The following HELZ variants were observed in gnomAD, a reference collection of about 807,000 sequenced individuals.
HELZ encodes the protein ATP-dependent RNA helicase with zinc finger domain.
A neutral mutation model predicts 218.2 loss-of-function variants in HELZ; 23 were observed. The observed-to-expected ratio is 0.11, with a 90% CI of 0.08 to 0.15. HELZ has a LOEUF of 0.15. Ranked by LOEUF, HELZ falls within the 10% of genes least tolerant of loss-of-function variation. The probability of loss-of-function intolerance (pLI) is 1.00; values close to 1 mark genes in which losing one functional copy is unlikely to be tolerated. For synonymous variants in HELZ, 814 were observed against 829.4 expected, an observed-to-expected ratio of 0.98 and a Z score of 0.32; for missense variants, 1,813 against 2,353.7, an observed-to-expected ratio of 0.77 and a Z score of 4.75.
intron 31 of HELZ, among the ~76,000 whole-genome samples, chr17:67,088,231 CCTCTTTTCTTTTTT>C (rs1654487276): frequency 6.6e-6 from 1 of 152,124 alleles, no homozygotes; most frequent in Non-Finnish European, 1.5e-5. Context: ...CTTTCTTTTT[CCTCTTTTCTTTTTT>C]GGATAGCAAA....
At chr17:67,094,699 A>G (rs1339179803) in intron 31 of HELZ, among the ~76,000 whole-genome samples, 1 of 152,156 alleles carries the variant, frequency 6.6e-6, no homozygotes, top group Non-Finnish European at 1.5e-5. Flanking sequence ...CTGAAGAGGG[A>G]GGATCATTTG....
rs2041447303 is a variant in HELZ, at chr17:67,245,130, G to A, written c.-132+18C>T. On this transcript the variant is annotated intron_variant, in intron 1 of 32. Coordinates refer to ENST00000358691, the MANE Select transcript of HELZ (RefSeq NM_014877.4). Reference sequence around the variant, plus strand: ...CGGAGCGGCCCCAGGAGCAGAGAAGGGGGAAGTCAGGACTTACCTGTCATT... The same window carrying A: ...CGGAGCGGCCCCAGGAGCAGAGAAGAGGGAAGTCAGGACTTACCTGTCATT... 2.0e-6 allele frequency: 2 copies of A among 985,074 alleles called. No homozygotes were observed. Among genetic ancestry groups the A allele is most frequent in the Non-Finnish European group, 2.4e-6 (2 of 829,824 alleles). 61.0% of individuals were successfully genotyped at this position (985,074 alleles called of 1,614,324 possible).
intron 13 of HELZ, among the ~76,000 whole-genome samples, chr17:67,171,832 GTTTT>G (rs1450877457): frequency 1.4e-5 from 2 of 146,112 alleles, no homozygotes; most frequent in Non-Finnish European, 3.0e-5. Flanking sequence ...CTTTTGTTTT[GTTTT>G]GTTTTTTTTT....
intron 23 of HELZ, among the ~76,000 whole-genome samples, chr17:67,129,330 G>A (rs185030358): frequency 2.1e-4 from 31 of 150,932 alleles, no homozygotes; most frequent in Admixed American, 5.3e-4. Context: ...ACATATACAC[G>A]CATGTATATG....
At position 67,218,628 on chromosome 17, in the gene HELZ, A is replaced by T; in HGVS notation, c.177T>A (p.Ser59Arg). ...PLEIERIKIE[S>R]LLYRIASFLQ... ...AAAATGAGGCAATTCTGTAGAGAAG[A>T]CTCTCGATTTTGATGCGTTCTATTT... Residue 59 changes from serine (S) to arginine (R), a missense_variant, in exon 4 of 33, where the codon AGT becomes AGA. By Grantham distance (110) the Ser-to-Arg change is moderately radical. This residue lies in a region of HELZ where 714 missense variants were observed against 1,029.2 expected (regional missense o/e 0.69). Transcript: ENST00000358691. 1 of 1,613,926 alleles carries T rather than the reference A, an allele frequency of 6.2e-7. No homozygotes were observed. Among genetic ancestry groups the T allele is most frequent in the Non-Finnish European group, 8.5e-7 (1 of 1,179,956 alleles).
intron 12 of HELZ, among the ~76,000 whole-genome samples, chr17:67,183,770 C>T (rs999466288): frequency 6.6e-6 from 1 of 152,086 alleles, no homozygotes; most frequent in African/African-American, 2.4e-5. Flanking sequence ...GATGCCTTTG[C>T]CACATATTTT....
Position 67,188,142 on chromosome 17 carries a change from C to T in HELZ, c.1162+177G>A. ...TTACCTGGTGGCTCTGTGAAGAAAT[C>T]AGGGCACAGTGTGAATCATTATAAG... On this transcript the variant is annotated intron_variant, in intron 12 of 32. Coordinates refer to ENST00000358691, the MANE Select transcript of HELZ (RefSeq NM_014877.4). This position sits in a 1 kb window ranked among gnomAD's most constrained non-coding sequence, Gnocchi z 4.1. 3.5e-6 allele frequency: 2 copies of T among 578,870 alleles called. No homozygotes were observed. The highest frequency in any genetic ancestry group is 5.8e-6 in the Non-Finnish European group (2 of 343,864). 35.9% of individuals were successfully genotyped at this position (578,870 alleles called of 1,614,324 possible).
chr17:67,210,199 T>C (rs1016739276), intron 5 of HELZ, among the ~76,000 whole-genome samples: 5 of 152,218 alleles, frequency 3.3e-5, no homozygotes, highest in Admixed American at 1.3e-4. Context: ...ACTTCCAGTC[T>C]GGGTGACACC....
chr17:67,093,421 A>G (rs1172337328), intron 31 of HELZ, among the ~76,000 whole-genome samples: 1 of 152,252 alleles, frequency 6.6e-6, no homozygotes, highest in Non-Finnish European at 1.5e-5. Context: ...GGAGAAAAAT[A>G]ATGCTAGAAA....
intron 27 of HELZ, among the ~76,000 whole-genome samples, chr17:67,118,437 G>T (rs1049715410): frequency 2.0e-5 from 3 of 151,868 alleles, no homozygotes; most frequent in South Asian, 2.1e-4. Context: ...CATAAAAGAA[G>T]ATCTTGGGTT....
chr17:67,179,332 T>C (rs756381886), intron 12 of HELZ, among the ~76,000 whole-genome samples: 15 of 152,214 alleles, frequency 9.9e-5, no homozygotes, highest in Admixed American at 3.3e-4. Flanking sequence ...CATCCCATTA[T>C]AGAAAGAGAA....
chr17:67,187,342 T>A (rs2039783016), intron 12 of HELZ, among the ~76,000 whole-genome samples: 1 of 151,642 alleles, frequency 6.6e-6, no homozygotes, highest in Non-Finnish European at 1.5e-5. Flanking sequence ...GAAGAAGATG[T>A]CACCTAACTG....
Position 67,243,850 on chromosome 17 carries a change from T to C in HELZ, c.-131-11A>G, listed in dbSNP as rs959769625. 1.0e-4 allele frequency: 28 copies of C among 270,222 alleles called. No individual in the cohort carries two copies. The highest frequency in any genetic ancestry group is 5.5e-4 in the African/African-American group (24 of 43,554). 16.7% of individuals were successfully genotyped at this position (270,222 alleles called of 1,614,324 possible). A position where few individuals can be genotyped will look rare whatever the true frequency, so the allele number is the denominator to read the frequency against. On this transcript the variant is annotated splice_polypyrimidine_tract_variant and intron_variant, in intron 1 of 32. Transcript: ENST00000358691. ...TACTTCATCCAAATCCTGAGGCAAATAGAAAAGATGTTTCCATACAACACC... is the reference window on the plus strand; with the variant it reads ...TACTTCATCCAAATCCTGAGGCAAACAGAAAAGATGTTTCCATACAACACC...
chr17:67,106,251 A>G (rs2143728812), intron 31 of HELZ, among the ~76,000 whole-genome samples: 1 of 149,244 alleles, frequency 6.7e-6, no homozygotes, highest in East Asian at 1.9e-4. Context: ...TAAGTTTTTC[A>G]TAGGAAAAAA....
At chr17:67,226,905 T>C (rs1000502633) in intron 3 of HELZ, among the ~76,000 whole-genome samples, 6 of 152,190 alleles carry the variant, frequency 3.9e-5, no homozygotes, top group Non-Finnish European at 7.3e-5. Context: ...TACTGTATGA[T>C]TCCATTTATA....
Position 67,077,607 on chromosome 17 carries a change from A to T in HELZ, c.*645T>A, listed in dbSNP as rs1301935023. On this transcript the variant is annotated 3_prime_UTR_variant, in exon 33 of 33. Coordinates refer to ENST00000358691, the MANE Select transcript of HELZ (RefSeq NM_014877.4). ...CATTTCAAAAAACAGTGGCATACAA[A>T]ATATGCCTGCAAAGAATGCCTTTAA... 6.6e-6 allele frequency: 1 copy of T among 152,446 alleles called. No homozygotes were observed. Among genetic ancestry groups the T allele is most frequent in the Non-Finnish European group, 1.5e-5 (1 of 67,974 alleles). The allele number at this position is 152,446 out of a possible 1,614,324, so 9.4% of individuals were successfully genotyped here. A position where few individuals can be genotyped will look rare whatever the true frequency, so the allele number is the denominator to read the frequency against.
intron 9 of HELZ, among the ~76,000 whole-genome samples, chr17:67,191,925 C>T (rs2039907194): frequency 1.3e-5 from 2 of 151,644 alleles, no homozygotes; most frequent in South Asian, 4.2e-4. Context: ...ATTAAATGGC[C>T]GGGCACAGTG....
chr17:67,221,039 T>C (rs1296479494), intron 3 of HELZ, among the ~76,000 whole-genome samples: 1 of 152,168 alleles, frequency 6.6e-6, no homozygotes, highest in Non-Finnish European at 1.5e-5. Context: ...AAATCAATTG[T>C]TCAATAAAAG....
chr17:67,107,036 A>G, intron 31 of HELZ, 133 bp downstream of exon 31: 1 of 902,058 alleles, frequency 1.1e-6, no homozygotes, highest in South Asian at 1.9e-5. Flanking sequence ...CAATTAAAAT[A>G]ATTCCCAAGA....
Sources: allele counts gnomAD v4.1 joint callset (sites outside exome capture counted in the v4.1 genomes callset), GRCh38; gene constraint gnomAD v4.1.1; regional missense constraint gnomAD v4.1.1; non-coding constraint Gnocchi (gnomAD v3.1); transcripts MANE v1.5; gene names NCBI Gene and HGNC (gene_info 2026-07-23, HGNC 2026-07-21).